TLL2: variants seen among roughly 807,000 people sequenced by gnomAD.
TLL2 encodes the protein tolloid like 2, also known as tolloid-like protein 2.
A neutral mutation model predicts 123.0 loss-of-function variants in TLL2; 106 were observed. The observed-to-expected ratio is 0.86, with a 90% CI of 0.74 to 1.01. TLL2 has a LOEUF of 1.01. Among genes scored for constraint, TLL2 ranks in the 50% least tolerant of loss-of-function variants. TLL2 has a pLI of 0.00. For missense variants in TLL2, 1,332 were observed against 1,336.7 expected, an observed-to-expected ratio of 1.00 and a Z score of 0.06; for synonymous variants, 494 against 516.8, an observed-to-expected ratio of 0.96 and a Z score of 0.60.
intron 14 of TLL2, 94 bp from the exon 15 acceptor site, chr10:96,386,309 A>C: frequency 1.5e-6 from 2 of 1,290,824 alleles, no homozygotes; most frequent in Non-Finnish European, 2.1e-6. Flanking sequence ...CTGTTCTGTA[A>C]TAATTTTAAA....
chr10:96,421,627 G>A (rs1274552913), intron 6 of TLL2, among the ~76,000 whole-genome samples: 1 of 150,652 alleles, frequency 6.6e-6, no homozygotes, highest in Non-Finnish European at 1.5e-5. Context: ...TCGCACCACT[G>A]CACTCCAGCC....
chr10:96,417,656 T>C (rs1056761540), intron 7 of TLL2, among the ~76,000 whole-genome samples: 5 of 152,138 alleles, frequency 3.3e-5, no homozygotes, highest in African/African-American at 1.2e-4. Flanking sequence ...CTTGGAACTG[T>C]GAGTCCCCAT....
At chr10:96,415,973 G>A (rs1031214715) in intron 7 of TLL2, among the ~76,000 whole-genome samples, 1 of 150,750 alleles carries the variant, frequency 6.6e-6, no homozygotes, top group Non-Finnish European at 1.5e-5. Context: ...CAGCATCTCT[G>A]TACCCAACAT....
Position 96,397,215 on chromosome 10 carries a change from A to G in TLL2, c.1355T>C (p.Leu452Ser), listed in dbSNP as rs778239724. The G allele has an allele frequency of 1.9e-6, 3 of 1,613,712 alleles. No homozygotes were observed. Among genetic ancestry groups the G allele is most frequent in the African/African-American group, 2.7e-5 (2 of 74,896 alleles). ...WVEFRSSSNI[L>S]GKGFFAAYEA... ...GTACGCTGCAAAGAAGCCCTTGCCC[A>G]AGATGTTGCTGCTGCTGCGGAACTC... Residue 452 changes from leucine to serine, a missense_variant, in exon 11 of 21, where the codon TTG becomes TCG. Leu to Ser is a moderately radical substitution (Grantham distance 145). Transcript: ENST00000357947.
At position 96,432,947 on chromosome 10, in the gene TLL2, G is replaced by A. The variant is rs1018013360; in HGVS notation, c.380C>T (p.Thr127Ile). The change falls in exon 4 of 21, where the codon ACC (threonine) becomes ATC (isoleucine). Residue 127 changes from threonine (T) to isoleucine (I), a missense_variant. Transcript: ENST00000357947. The stretch of plus-strand genomic sequence containing the variant: ...GGTCCCAGGGCTGTGCAGGAGTGTG[G>A]TATTCTCCCGGCCATCTGCAACACA... Reference protein sequence around the residue: ...KEAGKDGRENTTLLHSPGTLH... With the variant: ...KEAGKDGRENITLLHSPGTLH... 14 of 1,613,602 alleles carry A rather than the reference G, an allele frequency of 8.7e-6. No individual in the cohort carries two copies. The highest frequency in any genetic ancestry group is 1.1e-5 in the South Asian group (1 of 91,002).
chr10:96,368,180 G>C lies in TLL2; in HGVS notation c.2956C>G (p.Arg986Gly). The C allele has an allele frequency of 1.2e-6, 2 of 1,614,160 alleles. No homozygotes were observed. Among genetic ancestry groups the C allele is most frequent in the African/African-American group, 1.3e-5 (1 of 75,050 alleles). The change falls in exon 21 of 21, where the codon CGA becomes GGA. Residue 986 changes from arginine to glycine, a missense_variant. By Grantham distance (125) the Arg-to-Gly change is moderately radical. Transcript: ENST00000357947. Reference protein sequence around the residue: ...IYSAGDSLMIRFRTDDTINKK... With the variant: ...IYSAGDSLMIGFRTDDTINKK... Reference sequence around the variant, plus strand: ...TTGATGGTGTCATCTGTGCGGAATCGAATCATCAGGGAATCACCTGCAGAG... The same window carrying C: ...TTGATGGTGTCATCTGTGCGGAATCCAATCATCAGGGAATCACCTGCAGAG...
chr10:96,381,256 T>C (rs1007624676), intron 16 of TLL2, among the ~76,000 whole-genome samples: 1 of 152,212 alleles, frequency 6.6e-6, no homozygotes, highest in Admixed American at 6.5e-5. Flanking sequence ...CTGCCTGGCA[T>C]GGCTTGGTCA....
At chr10:96,415,229 T>C (rs1169048317) in intron 7 of TLL2, among the ~76,000 whole-genome samples, 2 of 152,244 alleles carry the variant, frequency 1.3e-5, no homozygotes, top group Non-Finnish European at 2.9e-5. Context: ...GTCATTATTT[T>C]AAGCAACACT....
chr10:96,399,811 T>C (rs1352777589), intron 10 of TLL2, among the ~76,000 whole-genome samples: 2 of 152,184 alleles, frequency 1.3e-5, no homozygotes, highest in East Asian at 3.9e-4. Context: ...CACTGAGGCT[T>C]GTTTCCAAAA....
In TLL2 at chr10:96,370,258, T is replaced by C. The variant is rs763852596; in HGVS notation, c.2720A>G (p.Gln907Arg). Residue 907 changes from glutamine to arginine, a missense_variant, in exon 20 of 21, where the codon CAG (glutamine) becomes CGG (arginine). Coordinates refer to ENST00000357947, the MANE Select transcript of TLL2 (RefSeq NM_012465.4). Reference sequence around the variant, plus strand: ...GCTCGGGTAGTTGTTGTCCCCAAACTGGGCGTGGGAATAGAGCTCTTTGGT... The same window carrying C: ...GCTCGGGTAGTTGTTGTCCCCAAACCGGGCGTGGGAATAGAGCTCTTTGGT... ...VQTKELYSHA[Q>R]FGDNNYPSEA... 26 of 1,612,038 alleles carry C rather than the reference T, an allele frequency of 1.6e-5. 1 individual carries two copies. In the South Asian group the frequency reaches 2.8e-4, roughly 17 times the overall value.
intron 1 of TLL2, among the ~76,000 whole-genome samples, chr10:96,483,512 G>T (rs1847330565): frequency 6.6e-6 from 1 of 152,104 alleles, no homozygotes; most frequent in Non-Finnish European, 1.5e-5. Flanking sequence ...ATCTATCATG[G>T]TATATTGAGT....
intron 16 of TLL2, among the ~76,000 whole-genome samples, chr10:96,380,811 G>A (rs1322257917): frequency 5.9e-4 from 88 of 149,114 alleles, no homozygotes; most frequent in Admixed American, 5.8e-3. Flanking sequence ...CCTGAGGTCC[G>A]GAGTTCGAGA....
intron 2 of TLL2, among the ~76,000 whole-genome samples, chr10:96,473,663 T>C (rs1387835761): frequency 7.9e-5 from 12 of 152,312 alleles, no homozygotes; most frequent in Admixed American, 4.6e-4. Context: ...TGGCTCAGAA[T>C]AGATGAGGCG....
At chr10:96,385,062 C>T (rs1305448712) in intron 15 of TLL2, among the ~76,000 whole-genome samples, 3 of 152,032 alleles carry the variant, frequency 2.0e-5, no homozygotes, top group African/African-American at 7.3e-5. Flanking sequence ...ATTAGGCTTC[C>T]ACATGAAATT....
chr10:96,438,535 T>G (rs578088745), intron 3 of TLL2, among the ~76,000 whole-genome samples: 1 of 152,240 alleles, frequency 6.6e-6, no homozygotes, highest in South Asian at 2.1e-4. Context: ...AGGAGGTTTT[T>G]GGGCTTTTCT....
intron 4 of TLL2, among the ~76,000 whole-genome samples, chr10:96,429,891 G>A (rs1323718659): frequency 6.6e-6 from 1 of 152,152 alleles, no homozygotes; most frequent in East Asian, 1.9e-4. Flanking sequence ...ACTCCAGGCT[G>A]ACAGTTACGT....
chr10:96,440,257 T>C (rs2134084640), intron 3 of TLL2, among the ~76,000 whole-genome samples: 1 of 152,346 alleles, frequency 6.6e-6, no homozygotes, highest in East Asian at 1.9e-4. Flanking sequence ...GCCAGCTTGT[T>C]CTCCACTTTA....
chr10:96,412,922 C>T (rs1846520489), intron 8 of TLL2, among the ~76,000 whole-genome samples: 1 of 152,190 alleles, frequency 6.6e-6, no homozygotes, highest in South Asian at 2.1e-4. Context: ...TGCCTTCTTC[C>T]CCTTCTGGAC....
intron 9 of TLL2, among the ~76,000 whole-genome samples, chr10:96,406,978 C>A (rs1211137893): frequency 2.0e-5 from 3 of 152,040 alleles, no homozygotes; most frequent in Non-Finnish European, 4.4e-5. Flanking sequence ...CTGGATTGCT[C>A]CCACACGATT....
Sources: gnomAD v4.1 joint callset for allele counts (sites outside exome capture counted in the v4.1 genomes callset) on GRCh38, gnomAD v4.1.1 for gene constraint, MANE v1.5 for transcripts, NCBI Gene and HGNC (gene_info 2026-07-23, HGNC 2026-07-21) for gene names.